The following SERPINB5 variants were observed in gnomAD, a reference collection of about 807,000 sequenced individuals.
SERPINB5 encodes serpin B5.
In SERPINB5, 27 loss-of-function variants were observed where a neutral mutation model predicts 32.2. That is an observed-to-expected ratio of 0.84 (90% CI 0.62 to 1.16). The LOEUF (loss-of-function observed/expected upper bound fraction) is 1.16, where lower values mean the gene tolerates loss of function less well. SERPINB5 is among the 50% of genes most tolerant of loss of function. The probability of loss-of-function intolerance (pLI) is 0.00; values close to 1 mark genes in which losing one functional copy is unlikely to be tolerated. For missense variants in SERPINB5, 388 were observed against 436.3 expected, an observed-to-expected ratio of 0.89 and a Z score of 0.99; for synonymous variants, 154 against 157.4, an observed-to-expected ratio of 0.98 and a Z score of 0.16.
intron 2 of SERPINB5, chr18:63,486,644 C>T (rs763289524): frequency 4.4e-5 from 11 of 249,076 alleles, no homozygotes; most frequent in Non-Finnish European, 7.7e-5. Flanking sequence ...TCCTCCCCTT[C>T]CCACTCTGGG....
At chr18:63,496,972 G>T in intron 5 of SERPINB5, 3 of 488,408 alleles carry the variant, frequency 6.1e-6, no homozygotes, top group South Asian at 4.8e-5. Context: ...AAGGGCTAAA[G>T]TTGGGAGACT....
intron 6 of SERPINB5, 92 bp downstream of exon 6, chr18:63,499,379 C>A: frequency 8.7e-7 from 1 of 1,145,142 alleles, no homozygotes; most frequent in Non-Finnish European, 1.2e-6. Context: ...AGAGCTGGGC[C>A]GGTAGCCCTC....
rs750851130 is a variant in SERPINB5 at position 63,503,360 on chromosome 18, T to G, written c.766T>G (p.Ser256Ala). ...IEKQLNSESL[S>A]QWTNPSTMAN... ...AAAACAACTCAACTCAGAGTCACTG[T>G]CACAGTGGACTAATCCCAGCACCAT... The change falls in exon 7 of 7, where the codon TCA becomes GCA. Residue 256 changes from serine (S) to alanine (A), a missense_variant. Coordinates refer to ENST00000382771, the MANE Select transcript of SERPINB5 (RefSeq NM_002639.5). The G allele has an allele frequency of 1.2e-6, 2 of 1,614,054 alleles. No individual in the cohort carries two copies. The highest frequency in any genetic ancestry group is 1.7e-6 in the Non-Finnish European group (2 of 1,179,998).
rs34866511 is a variant in SERPINB5, at chr18:63,487,044, C to G, written c.267C>G (p.Ile89Met). The G allele has an allele frequency of 1.1e-5, 18 of 1,613,994 alleles. No homozygotes were observed. Among genetic ancestry groups the G allele is most frequent in the South Asian group, 1.1e-4 (10 of 91,076 alleles). Residue 89 changes from isoleucine (I) to methionine (M), a missense_variant, in exon 3 of 7, where the codon ATC (isoleucine) becomes ATG (methionine). Coordinates refer to ENST00000382771, the MANE Select transcript of SERPINB5 (RefSeq NM_002639.5). ...GTTCCTTTTACTCACTGAAACTAATCAAGCGGCTCTACGTAGACAAATCTC... is the reference window on the plus strand; with the variant it reads ...GTTCCTTTTACTCACTGAAACTAATGAAGCGGCTCTACGTAGACAAATCTC... ...KLSSFYSLKL[I>M]KRLYVDKSLN...
chr18:63,493,277 C>T (rs1568110788), intron 5 of SERPINB5, 182 bp downstream of exon 5: 1 of 717,562 alleles, frequency 1.4e-6, no homozygotes, highest in Non-Finnish European at 2.4e-6. Context: ...CCAGAGGCCC[C>T]CCCTCCTCTT....
chr18:63,483,576 C>T (rs1322603047), intron 1 of SERPINB5, among the ~76,000 whole-genome samples: 1 of 152,224 alleles, frequency 6.6e-6, no homozygotes, highest in Non-Finnish European at 1.5e-5. Context: ...CAGGGTCATG[C>T]TGTCTCAAAA....
At position 63,499,193 on chromosome 18, in the gene SERPINB5, G is replaced by T; in HGVS notation, c.641G>T (p.Cys214Phe). ...ATGGGAAACATTGACAGTATCAATTGTAAGATCATAGAGCTTCCTTTTCAA... is the reference window on the plus strand; with the variant it reads ...ATGGGAAACATTGACAGTATCAATTTTAAGATCATAGAGCTTCCTTTTCAA... ...FCMGNIDSIN[C>F]KIIELPFQNK... Residue 214 changes from cysteine (C) to phenylalanine (F), a missense_variant, in exon 6 of 7, where the codon TGT becomes TTT. Physicochemically the swap from Cys to Phe is radical, Grantham distance 205. Transcript: ENST00000382771. 1 of 1,603,014 alleles carries T rather than the reference G, an allele frequency of 6.2e-7. No homozygotes were observed. Among genetic ancestry groups the T allele is most frequent in the Non-Finnish European group, 8.5e-7 (1 of 1,174,502 alleles).
Position 63,489,531 on chromosome 18 carries a change from T to TCCTAA in SERPINB5, c.424+67_424+68insCCTAA, listed in dbSNP as rs1181222187. The TCCTAA allele has an allele frequency of 4.7e-6, 4 of 858,004 alleles. No homozygotes were observed. In the African/African-American group the frequency reaches 7.0e-5, roughly 15 times the overall value. 53.1% of individuals were successfully genotyped at this position (858,004 alleles called of 1,614,324 possible). A position where few individuals can be genotyped will look rare whatever the true frequency, so the allele number is the denominator to read the frequency against. On this transcript the variant is annotated intron_variant, in intron 4 of 6. Transcript: ENST00000382771. ...ACAGGGCCTTCCATCTCATAAATGT[T>TCCTAA]TGCTCCAAGGATAAAAAAAACATCT...
intron 2 of SERPINB5, among the ~76,000 whole-genome samples, chr18:63,486,299 C>A (rs1005812187): frequency 1.3e-5 from 2 of 152,170 alleles, no homozygotes; most frequent in Non-Finnish European, 2.9e-5. Context: ...CTCTAGCCAG[C>A]CCAGGGCAGC....
intron 5 of SERPINB5, chr18:63,497,505 A>AAAT: frequency 2.3e-6 from 1 of 429,442 alleles, no homozygotes. Context: ...TTCTGAAAAA[A>AAAT]AAAAAAAAAG....
At chr18:63,481,646 A>G (rs1207858263) in intron 1 of SERPINB5, among the ~76,000 whole-genome samples, 1 of 152,226 alleles carries the variant, frequency 6.6e-6, no homozygotes, top group East Asian at 1.9e-4. Flanking sequence ...TGAACTTGGC[A>G]TTACTAATAT....
At chr18:63,496,388 C>T (rs1909448444) in intron 5 of SERPINB5, among the ~76,000 whole-genome samples, 1 of 152,170 alleles carries the variant, frequency 6.6e-6, no homozygotes, top group Admixed American at 6.5e-5. Flanking sequence ...TTTTTGGTTA[C>T]ACATAGAGTT....
intron 5 of SERPINB5, among the ~76,000 whole-genome samples, chr18:63,496,714 AT>A (rs1909454740): frequency 6.6e-6 from 1 of 152,192 alleles, no homozygotes. Context: ...CCCCAAAGAG[AT>A]TTAGTTAACA....
intron 5 of SERPINB5, chr18:63,493,448 C>G (rs373929131): frequency 2.1e-6 from 1 of 486,222 alleles, no homozygotes; most frequent in Admixed American, 3.7e-5. Context: ...TTTGGATTAT[C>G]ATGAAACCTT....
In SERPINB5 at chr18:63,484,538, C is replaced by A. The variant is rs1160562566; in HGVS notation, c.110C>A (p.Thr37Asn). 1 of 1,614,176 alleles carries A rather than the reference C, an allele frequency of 6.2e-7. No individual in the cohort carries two copies. Among genetic ancestry groups the A allele is most frequent in the Admixed American group, 1.7e-5 (1 of 60,020 alleles). ...NVLFSPICLS[T>N]SLSLAQVGAK... is the part of the protein sequence containing the mutation. ...CTCTTCTCTCCAATCTGTCTCTCCA[C>A]CTCTCTGTCACTTGCTCAAGTGGGT... Residue 37 changes from threonine to asparagine, a missense_variant, in exon 2 of 7, where the codon ACC becomes AAC. Transcript: ENST00000382771.
chr18:63,501,719 T>G (rs550539297), intron 6 of SERPINB5, among the ~76,000 whole-genome samples: 1 of 152,234 alleles, frequency 6.6e-6, no homozygotes, highest in Non-Finnish European at 1.5e-5. Flanking sequence ...TTTCCTGACT[T>G]TTTAATGATC....
At chr18:63,479,550 TACTC>T (rs898081812) in intron 1 of SERPINB5, among the ~76,000 whole-genome samples, 3 of 152,196 alleles carry the variant, frequency 2.0e-5, no homozygotes, top group Non-Finnish European at 2.9e-5. Flanking sequence ...TAATGTGACT[TACTC>T]AGTTGTCACT....
chr18:63,486,915 C>T lies in SERPINB5; in HGVS notation c.169-31C>T, dbSNP rs7237192. The T allele has an allele frequency of 3.4e-3, 5,471 of 1,611,234 alleles. 169 individuals carry two copies. In the African/African-American group the frequency reaches 0.064, roughly 19 times the overall value. ...AGTACAGCACTACTCAGAGGCAATGCTTTTTGGGTAACGGATTTTTCTCTT... is the reference window on the plus strand; with the variant it reads ...AGTACAGCACTACTCAGAGGCAATGTTTTTTGGGTAACGGATTTTTCTCTT... On this transcript the variant is annotated intron_variant, in intron 2 of 6. Transcript: ENST00000382771.
intron 2 of SERPINB5, chr18:63,485,453 A>G (rs1384971846): frequency 1.3e-5 from 2 of 152,214 alleles, no homozygotes; most frequent in African/African-American, 4.8e-5. Flanking sequence ...TCTTGTATTC[A>G]TATGTGTCCA....
Sources: allele counts gnomAD v4.1 joint callset (sites outside exome capture counted in the v4.1 genomes callset), GRCh38; gene constraint gnomAD v4.1.1; transcripts MANE v1.5; gene names NCBI Gene and HGNC (gene_info 2026-07-23, HGNC 2026-07-21).